SNAP29: variants seen among roughly 807,000 people sequenced by gnomAD.
SNAP29 encodes the protein synaptosome associated protein 29, also known as synaptosomal-associated protein 29.
In SNAP29, 13 loss-of-function variants were observed where a neutral mutation model predicts 27.9. The ratio of observed to expected loss-of-function variants is 0.47; its 90% CI spans 0.30 to 0.74. SNAP29 has a LOEUF of 0.74. SNAP29 is among the 30% of genes least tolerant of loss of function. The pLI, the probability that SNAP29 is intolerant of heterozygous loss-of-function variation, is 0.06. For synonymous variants in SNAP29, 119 were observed against 127.1 expected (o/e 0.94, Z 0.43); for missense variants, 368 against 336.5 (o/e 1.09, Z -0.73).
At chr22:20,860,230 G>A (rs1348929143) in intron 1 of SNAP29, among the ~76,000 whole-genome samples, 2 of 151,258 alleles carry the variant, frequency 1.3e-5, no homozygotes, top group East Asian at 2.0e-4. Context: ...GTGGCGGTGC[G>A]CCTGTAGTCG....
rs165744 is a variant in SNAP29 at position 20,890,097 on chromosome 22, G to A, written c.*2261G>A. The A allele has an allele frequency of 1.4e-4, 56 of 394,926 alleles. No individual in the cohort carries two copies. Among genetic ancestry groups the A allele is most frequent in the Non-Finnish European group, 2.1e-4 (48 of 224,630 alleles). 24.5% of individuals were successfully genotyped at this position (394,926 alleles called of 1,614,324 possible). ...ACGTCCTGTGCTGAGGGGACTGTCCGTAAGCTACAGGACAGCGAGCTGGTC... is the reference window on the plus strand; with the variant it reads ...ACGTCCTGTGCTGAGGGGACTGTCCATAAGCTACAGGACAGCGAGCTGGTC... On this transcript the variant is annotated 3_prime_UTR_variant, in exon 5 of 5. Coordinates refer to ENST00000215730, the MANE Select transcript of SNAP29 (RefSeq NM_004782.4).
chr22:20,883,681 A>C, intron 4 of SNAP29, 112 bp downstream of exon 4: 1 of 749,664 alleles, frequency 1.3e-6, no homozygotes, highest in Admixed American at 1.8e-5. Flanking sequence ...ACCACACATC[A>C]CATCCCACGC....
chr22:20,882,650 G>T (rs767943614), intron 3 of SNAP29, among the ~76,000 whole-genome samples: 3 of 152,172 alleles, frequency 2.0e-5, no homozygotes, highest in Non-Finnish European at 4.4e-5. Context: ...GCAAGGGCTG[G>T]GAAAACCGGC....
chr22:20,865,615 GT>G (rs1354481110), intron 1 of SNAP29, among the ~76,000 whole-genome samples: 1 of 152,226 alleles, frequency 6.6e-6, no homozygotes, highest in East Asian at 1.9e-4. Context: ...GTAGGGAGGT[GT>G]TTGGGGGTTC....
chr22:20,887,830 A>G lies in SNAP29; in HGVS notation c.771A>G (p.Gln257=), dbSNP rs1929055967. The G allele has an allele frequency of 5.6e-6, 9 of 1,613,888 alleles. No homozygotes were observed. Among genetic ancestry groups the G allele is most frequent in the Non-Finnish European group, 7.6e-6 (9 of 1,179,926 alleles). Residue 257 remains glutamine (Q), a synonymous_variant, in exon 5 of 5, where the codon CAA becomes CAG. Transcript: ENST00000215730. ...NIKSTERKVR[Q]L ...AAAGCACAGAAAGAAAAGTTCGACA[A>G]CTCTGAAGACAGACGGATTTCCACT...
intron 4 of SNAP29, among the ~76,000 whole-genome samples, chr22:20,884,554 C>G (rs1347590548): frequency 6.6e-6 from 1 of 152,148 alleles, no homozygotes; most frequent in African/African-American, 2.4e-5. Flanking sequence ...GGCTCCTTCT[C>G]TTTCTGTCAG....
chr22:20,876,438 T>G (rs776334317), intron 2 of SNAP29, among the ~76,000 whole-genome samples: 6 of 151,646 alleles, frequency 4.0e-5, no homozygotes, highest in Non-Finnish European at 7.4e-5. Context: ...TCGTATTTTT[T>G]GTAGAAACAA....
At chr22:20,886,112 C>CCTTT (rs1929009344) in intron 4 of SNAP29, among the ~76,000 whole-genome samples, 1 of 145,740 alleles carries the variant, frequency 6.9e-6, no homozygotes, top group African/African-American at 2.5e-5. Context: ...GAAGACTTAT[C>CCTTT]TTTTTTTTTT....
At chr22:20,887,454 AAC>A (rs938907684) in intron 4 of SNAP29, among the ~76,000 whole-genome samples, 57 of 151,342 alleles carry the variant, frequency 3.8e-4, no homozygotes, top group Non-Finnish European at 6.6e-4. Context: ...AGCGTGCACA[AAC>A]ACACACACAC....
At position 20,861,826 on chromosome 22, in the gene SNAP29, G is replaced by A. The variant is rs368802778; in HGVS notation, c.237+2479G>A. ...ATTTTTGTATTTTTAGTAGAGACGG[G>A]GTTTCACTGTGTTGGTCCGGCTGGT... On this transcript the variant is annotated intron_variant, in intron 1 of 4. Coordinates refer to ENST00000215730, the MANE Select transcript of SNAP29 (RefSeq NM_004782.4). Among the ~76,000 whole-genome samples, 31 of 152,246 alleles carry A rather than the reference G, an allele frequency of 2.0e-4. No homozygotes were observed. The East Asian group carries it at 5.8e-3, about 28-fold the overall frequency.
At chr22:20,865,239 C>G (rs1000184690) in intron 1 of SNAP29, among the ~76,000 whole-genome samples, 6 of 152,002 alleles carry the variant, frequency 3.9e-5, no homozygotes, top group African/African-American at 1.5e-4. Context: ...CCTGTAGTTC[C>G]AGCTACTCAG....
At chr22:20,885,027 G>A (rs575462529) in intron 4 of SNAP29, among the ~76,000 whole-genome samples, 4 of 152,232 alleles carry the variant, frequency 2.6e-5, no homozygotes, top group Admixed American at 6.5e-5. Context: ...CGCCTGTCTC[G>A]GCCTCCCAAA....
rs1455216377 is a variant in SNAP29 at position 20,888,716 on chromosome 22, C to A, written c.*880C>A. On this transcript the variant is annotated 3_prime_UTR_variant, in exon 5 of 5. Coordinates refer to ENST00000215730, the MANE Select transcript of SNAP29 (RefSeq NM_004782.4). ...ACAGATGCAGCTGCACAATGGTCTT[C>A]CTCCACCCCTCTGGGAATCACCATT... 2.0e-5 allele frequency: 3 copies of A among 152,296 alleles called. No individual in the cohort carries two copies. Among genetic ancestry groups the A allele is most frequent in the African/African-American group, 7.2e-5 (3 of 41,448 alleles). The allele number at this position is 152,296 out of a possible 1,614,324, so 9.4% of individuals were successfully genotyped here.
chr22:20,870,238 C>A, intron 1 of SNAP29, 99 bp from the exon 2 acceptor site: 1 of 1,014,618 alleles, frequency 9.9e-7, no homozygotes, highest in Non-Finnish European at 1.6e-6. Flanking sequence ...CCAGATGTGC[C>A]CACTGAGAGT....
chr22:20,885,565 C>T (rs560711508), intron 4 of SNAP29, among the ~76,000 whole-genome samples: 1 of 152,296 alleles, frequency 6.6e-6, no homozygotes, highest in African/African-American at 2.4e-5. Context: ...GAGGTTAGGG[C>T]TAGTGGTATG....
intron 3 of SNAP29, among the ~76,000 whole-genome samples, chr22:20,882,777 C>T (rs925222971): frequency 5.9e-5 from 9 of 152,124 alleles, no homozygotes; most frequent in East Asian, 3.8e-4. Flanking sequence ...AAGAAAAAAT[C>T]GACACAGTTT....
At chr22:20,867,542 G>T (rs1928490724) in intron 1 of SNAP29, among the ~76,000 whole-genome samples, 1 of 152,148 alleles carries the variant, frequency 6.6e-6, no homozygotes, top group African/African-American at 2.4e-5. Context: ...TCTGCCTTCT[G>T]GGGGTGGATT....
At chr22:20,862,846 C>A (rs1314036407) in intron 1 of SNAP29, among the ~76,000 whole-genome samples, 1 of 152,144 alleles carries the variant, frequency 6.6e-6, no homozygotes, top group Non-Finnish European at 1.5e-5. Context: ...ACATCTCCAC[C>A]ACACCCAGTG....
intron 2 of SNAP29, chr22:20,871,003 C>T (rs1305450541): frequency 1.5e-5 from 4 of 259,678 alleles, no homozygotes; most frequent in Non-Finnish European, 2.3e-5. Context: ...GTGGTGCACA[C>T]CTGTAGTCCC....
Sources: gnomAD v4.1 joint callset for allele counts (sites outside exome capture counted in the v4.1 genomes callset) on GRCh38, gnomAD v4.1.1 for gene constraint, MANE v1.5 for transcripts, NCBI Gene and HGNC (gene_info 2026-07-23, HGNC 2026-07-21) for gene names.